Variants in QKI observed in about 807,000 individuals in gnomAD.
The protein encoded by QKI is KH domain-containing RNA-binding protein QKI.
QKI carries 10 observed loss-of-function variants against 39.0 expected under a neutral mutation model. The ratio of observed to expected loss-of-function variants is 0.26; its 90% CI spans 0.16 to 0.43. The LOEUF is 0.43. Among genes scored for constraint, QKI ranks in the 20% least tolerant of loss-of-function variants. QKI has a pLI of 1.00. For synonymous variants in QKI, 204 were observed against 155.4 expected, an observed-to-expected ratio of 1.31 and a Z score of -2.33; for missense variants, 218 against 428.0, an observed-to-expected ratio of 0.51 and a Z score of 4.33.
At chr6:163,460,968 A>G (rs1791308756) in intron 2 of QKI, among the ~76,000 whole-genome samples, 3 of 152,172 alleles carry the variant, frequency 2.0e-5, no homozygotes, top group Non-Finnish European at 4.4e-5. Flanking sequence ...AGTTTTTCTC[A>G]AAAGGTTAGT....
intron 4 of QKI, among the ~76,000 whole-genome samples, chr6:163,543,872 A>G (rs1390667501): frequency 2.0e-5 from 3 of 152,060 alleles, no homozygotes; most frequent in Admixed American, 1.3e-4. Context: ...TAAATTTCCT[A>G]TCTTAATTTA....
chr6:163,422,876 T>TG (rs1308539708), intron 1 of QKI, among the ~76,000 whole-genome samples: 1 of 152,216 alleles, frequency 6.6e-6, no homozygotes, highest in Non-Finnish European at 1.5e-5. Context: ...AGCAAATCAT[T>TG]GGGGAGCCCT....
chr6:163,457,243 C>G (rs1045456175), intron 2 of QKI: 6 of 445,430 alleles, frequency 1.3e-5, no homozygotes, highest in Non-Finnish European at 2.3e-5. Flanking sequence ...CTGGTTCCAT[C>G]TCTTAAAAAA....
At chr6:163,534,303 A>G (rs1235083891) in intron 3 of QKI, among the ~76,000 whole-genome samples, 1 of 152,222 alleles carries the variant, frequency 6.6e-6, no homozygotes, top group Non-Finnish European at 1.5e-5. Flanking sequence ...CTTACAGTTA[A>G]TTTTAAGGTA....
At chr6:163,563,284 C>T in intron 5 of QKI, 136 bp from the exon 6 acceptor site, 1 of 721,932 alleles carries the variant, frequency 1.4e-6, no homozygotes, top group Non-Finnish European at 2.1e-6. Context: ...TTTGTGTGAT[C>T]AGCGCATGTA....
chr6:163,475,905 C>G (rs971196128), intron 2 of QKI, among the ~76,000 whole-genome samples: 2 of 152,054 alleles, frequency 1.3e-5, no homozygotes, highest in Admixed American at 6.6e-5. Context: ...TAAAAACTTT[C>G]AGTCATCATA....
chr6:163,415,453 G>A (rs997669943), intron 1 of QKI, 118 bp downstream of exon 1: 11 of 1,034,920 alleles, frequency 1.1e-5, no homozygotes, highest in Admixed American at 1.0e-4. Context: ...GCGCCGGGGG[G>A]ACTGGGAGGC....
In QKI at chr6:163,565,217, TTTAAG is replaced by T. The variant is rs545225758; in HGVS notation, c.934+1501_935-1497del. 4.7e-4 allele frequency: 466 copies of T among 988,932 alleles called. 2 individuals are homozygous for T. The African/African-American group carries it at 7.6e-3, about 16-fold the overall frequency. 61.3% of individuals were successfully genotyped at this position (988,932 alleles called of 1,614,324 possible). On this transcript the variant is annotated intron_variant, in intron 6 of 7. Coordinates refer to ENST00000361752, the MANE Select transcript of QKI (RefSeq NM_006775.3). ...TAACATGTAACCTGTAACCTTGTTG[TTTAAG>T]TTTTCTTTTCTATTAATACTCTGTC...
intron 2 of QKI, among the ~76,000 whole-genome samples, chr6:163,471,123 G>T (rs1338474867): frequency 1.3e-5 from 2 of 152,092 alleles, no homozygotes; most frequent in East Asian, 3.9e-4. Flanking sequence ...GTAATGATGA[G>T]AAAATCTTAA....
At chr6:163,540,540 G>A (rs1473384125) in intron 4 of QKI, among the ~76,000 whole-genome samples, 5 of 152,042 alleles carry the variant, frequency 3.3e-5, no homozygotes, top group Non-Finnish European at 4.4e-5. Flanking sequence ...ACCAACAAGC[G>A]TGCAAACTCA....
chr6:163,469,693 GATT>G (rs1792040802), intron 2 of QKI, among the ~76,000 whole-genome samples: 1 of 152,156 alleles, frequency 6.6e-6, no homozygotes, highest in Non-Finnish European at 1.5e-5. Context: ...AGCATGTAAA[GATT>G]ATTATCTCTG....
At chr6:163,522,572 T>TG (rs551126929) in intron 3 of QKI, among the ~76,000 whole-genome samples, 39 of 152,248 alleles carry the variant, frequency 2.6e-4, no homozygotes, top group Non-Finnish European at 5.1e-4. Flanking sequence ...AGTGAGCAAA[T>TG]GAAAATTCAG....
At chr6:163,544,142 A>G (rs7770852) in intron 4 of QKI, among the ~76,000 whole-genome samples, 12,153 of 152,082 alleles carry the variant, frequency 0.08, 538 homozygotes, top group Middle Eastern at 0.12. Context: ...GATTCAACCA[A>G]TGAGGAAATT....
At chr6:163,445,875 A>C (rs760787911) in intron 1 of QKI, among the ~76,000 whole-genome samples, 1 of 152,130 alleles carries the variant, frequency 6.6e-6, no homozygotes. Context: ...CGGCCTCCCA[A>C]AGTGCTGGGA....
chr6:163,416,381 C>CA (rs1787503771), intron 1 of QKI: 1 of 161,368 alleles, frequency 6.2e-6, no homozygotes, highest in South Asian at 1.4e-4. Flanking sequence ...AAAAAGACCA[C>CA]AAAAAAAGTC....
chr6:163,510,835 ACAAT>A (rs1779404840), intron 3 of QKI, among the ~76,000 whole-genome samples: 1 of 148,134 alleles, frequency 6.8e-6, no homozygotes, highest in Non-Finnish European at 1.5e-5. Flanking sequence ...AAATAGTTCC[ACAAT>A]CAGATTGAGA....
At chr6:163,517,060 T>TCA (rs1401242547) in intron 3 of QKI, among the ~76,000 whole-genome samples, 50,028 of 139,128 alleles carry the variant, frequency 0.36, 10,025 homozygotes, top group East Asian at 0.53. Context: ...ACACACTCAC[T>TCA]CTCTCTCTCT....
chr6:163,520,040 A>G (rs1231672511), intron 3 of QKI, among the ~76,000 whole-genome samples: 1 of 152,188 alleles, frequency 6.6e-6, no homozygotes, highest in Non-Finnish European at 1.5e-5. Flanking sequence ...GAAACATTTT[A>G]GAGCTGTTAT....
At chr6:163,445,201 A>G (rs1038342940) in intron 1 of QKI, among the ~76,000 whole-genome samples, 5 of 152,240 alleles carry the variant, frequency 3.3e-5, no homozygotes, top group South Asian at 2.1e-4. Context: ...ATATAATCAT[A>G]GTATAGTTAT....
Sources: gnomAD v4.1 joint callset for allele counts (sites outside exome capture counted in the v4.1 genomes callset) on GRCh38, gnomAD v4.1.1 for gene constraint, MANE v1.5 for transcripts, NCBI Gene and HGNC (gene_info 2026-07-23, HGNC 2026-07-21) for gene names.